Variants in SLC12A6 observed in about 807,000 individuals in gnomAD.
SLC12A6 encodes the protein solute carrier family 12 member 6.
SLC12A6 carries 66 observed loss-of-function variants against 135.3 expected under a neutral mutation model. The ratio of observed to expected loss-of-function variants is 0.49; its 90% confidence interval spans 0.40 to 0.60. The LOEUF (loss-of-function observed/expected upper bound fraction) is 0.60. SLC12A6 is among the 20% of genes least tolerant of loss of function. The probability of loss-of-function intolerance (pLI) is 0.00; values close to 1 mark genes in which losing one functional copy is unlikely to be tolerated. For synonymous variants in SLC12A6, 513 were observed against 508.8 expected (o/e 1.01, Z -0.11); for missense variants, 1,058 against 1,452.3 (o/e 0.73, Z 4.41).
intron 2 of SLC12A6, among the ~76,000 whole-genome samples, chr15:34,293,184 TA>T (rs138007768): frequency 0.097 from 14,759 of 152,302 alleles, 809 homozygotes; most frequent in South Asian, 0.15. Context: ...TAAAAAATCT[TA>T]ATTGAGTTCT....
chr15:34,329,010 T>C (rs1026935046), intron 2 of SLC12A6, among the ~76,000 whole-genome samples: 1 of 152,382 alleles, frequency 6.6e-6, no homozygotes, highest in African/African-American at 2.4e-5. Context: ...ATTAAAAGAA[T>C]ACATTGTTTT....
rs140214849 is a variant in SLC12A6 at position 34,304,340 on chromosome 15, CTTCT to C, written c.272-28955_272-28952del. The stretch of plus-strand genomic sequence containing the variant: ...CAGCTGGAGGACATTTGGGCTGTTA[CTTCT>C]TTATTAGCTATTATTTATAATGCTG... On this transcript the variant is annotated intron_variant, in intron 2 of 25. Coordinates refer to ENST00000354181, the MANE Select transcript of SLC12A6 (RefSeq NM_001365088.1). Among the ~76,000 whole-genome samples the C allele has an allele frequency of 4.3e-3, 657 of 152,284 alleles. 8 individuals carry two copies. Among genetic ancestry groups the C allele is most frequent in the African/African-American group, 0.015 (632 of 41,558 alleles).
chr15:34,268,945 C>T (rs1183651432), intron 3 of SLC12A6, among the ~76,000 whole-genome samples: 1 of 152,046 alleles, frequency 6.6e-6, no homozygotes, highest in Non-Finnish European at 1.5e-5. Flanking sequence ...CGACCTCCGC[C>T]TCCAGGGTTC....
chr15:34,231,614 G>C lies in SLC12A6; in HGVS notation c.*2267C>G, dbSNP rs1045726068. On this transcript the variant is annotated 3_prime_UTR_variant, in exon 26 of 26. Transcript: ENST00000354181. ...TTTCTTTTTTTTTTTTTTTGAGATGGAGTCTCCCTCTGTCGCCCAGGCTGG... is the reference window on the plus strand; with the variant it reads ...TTTCTTTTTTTTTTTTTTTGAGATGCAGTCTCCCTCTGTCGCCCAGGCTGG... 3 of 148,560 alleles carry C rather than the reference G, an allele frequency of 2.0e-5. No homozygotes were observed. Among genetic ancestry groups the C allele is most frequent in the South Asian group, 2.1e-4 (1 of 4,684 alleles). The allele number at this position is 148,560 out of a possible 1,614,324, so 9.2% of individuals were successfully genotyped here.
Position 34,336,682 on chromosome 15 carries a change from T to G in SLC12A6, c.-2A>C. The G allele has an allele frequency of 6.2e-7, 1 of 1,614,054 alleles. No homozygotes were observed. Among genetic ancestry groups the G allele is most frequent in the African/African-American group, 1.3e-5 (1 of 75,040 alleles). ...GGTGGTGGTTTCTGGAGGATGCATTTTGTTCTTTTTAAGAACAAAAAAAGT... is the reference window on the plus strand; with the variant it reads ...GGTGGTGGTTTCTGGAGGATGCATTGTGTTCTTTTTAAGAACAAAAAAAGT... On this transcript the variant is annotated 5_prime_UTR_variant, in exon 2 of 26. Coordinates refer to ENST00000354181, the MANE Select transcript of SLC12A6 (RefSeq NM_001365088.1).
In SLC12A6 at chr15:34,234,636, T is replaced by TCCCAAATCCCTC. The variant is rs1433402773; in HGVS notation, c.3361+544_3361+545insGAGGGATTTGGG. Among the ~76,000 whole-genome samples, 4 of 152,136 alleles carry TCCCAAATCCCTC rather than the reference T, an allele frequency of 2.6e-5. No homozygotes were observed. In the East Asian group the frequency reaches 7.7e-4, roughly 29 times the overall value. On this transcript the variant is annotated intron_variant, in intron 25 of 25. Coordinates refer to ENST00000354181, the MANE Select transcript of SLC12A6 (RefSeq NM_001365088.1). ...ATCCACCTGCCTTAGCCTCCCAAAG[T>TCCCAAATCCCTC]GCTGGGATTACAGGCATGAGCCACC...
chr15:34,300,468 T>C (rs998337385), intron 2 of SLC12A6, among the ~76,000 whole-genome samples: 3 of 152,102 alleles, frequency 2.0e-5, no homozygotes, highest in Non-Finnish European at 2.9e-5. Context: ...CCTACTCCCC[T>C]ACCCCTAGCC....
chr15:34,262,573 G>A (rs532554516), intron 3 of SLC12A6, among the ~76,000 whole-genome samples: 10 of 152,284 alleles, frequency 6.6e-5, no homozygotes, highest in East Asian at 1.9e-4. Context: ...AGCAGCGGGC[G>A]GGAGCAGGGG....
At chr15:34,329,744 G>A (rs1889711504) in intron 2 of SLC12A6, among the ~76,000 whole-genome samples, 1 of 152,184 alleles carries the variant, frequency 6.6e-6, no homozygotes, top group Non-Finnish European at 1.5e-5. Context: ...GGCCAGGCAT[G>A]GTGGCTCATG....
intron 3 of SLC12A6, among the ~76,000 whole-genome samples, chr15:34,262,124 T>A (rs775215925): frequency 5.9e-5 from 9 of 152,230 alleles, no homozygotes; most frequent in Non-Finnish European, 8.8e-5. Context: ...AAGTCCTGGA[T>A]AAATCCATGG....
At chr15:34,288,767 A>G (rs1291504036) in intron 2 of SLC12A6, among the ~76,000 whole-genome samples, 1 of 152,154 alleles carries the variant, frequency 6.6e-6, no homozygotes, top group Non-Finnish European at 1.5e-5. Context: ...GAGTTCACTC[A>G]TGATTTGGCT....
At chr15:34,290,461 T>G (rs1317472871) in intron 2 of SLC12A6, among the ~76,000 whole-genome samples, 2 of 152,194 alleles carry the variant, frequency 1.3e-5, no homozygotes, top group African/African-American at 2.4e-5. Flanking sequence ...TTCCGTTGAT[T>G]TGGGGTGGAG....
At chr15:34,327,612 C>T (rs347832) in intron 2 of SLC12A6, among the ~76,000 whole-genome samples, 39,143 of 151,424 alleles carry the variant, frequency 0.26, 7,174 homozygotes, top group African/African-American at 0.52. Context: ...GAGCCGAGAC[C>T]GCATCACTGC....
intron 3 of SLC12A6, among the ~76,000 whole-genome samples, chr15:34,265,871 G>A (rs1365626832): frequency 6.6e-6 from 1 of 152,300 alleles, no homozygotes; most frequent in East Asian, 1.9e-4. Flanking sequence ...AAAGGACAGT[G>A]AGGAAAGGAG....
At chr15:34,252,616 C>T (rs1892470819) in intron 9 of SLC12A6, among the ~76,000 whole-genome samples, 1 of 152,094 alleles carries the variant, frequency 6.6e-6, no homozygotes, top group Non-Finnish European at 1.5e-5. Context: ...ATTAGAATTT[C>T]TATGTTGTGG....
chr15:34,306,078 T>G (rs1896596100), intron 2 of SLC12A6, among the ~76,000 whole-genome samples: 1 of 152,216 alleles, frequency 6.6e-6, no homozygotes, highest in South Asian at 2.1e-4. Flanking sequence ...GCATTTCTAT[T>G]TAGCTAACTC....
At chr15:34,291,628 G>A (rs1895537561) in intron 2 of SLC12A6, among the ~76,000 whole-genome samples, 1 of 152,132 alleles carries the variant, frequency 6.6e-6, no homozygotes. Context: ...CCAATCAAAC[G>A]TAGATTTGGT....
At chr15:34,300,478 C>T (rs144426178) in intron 2 of SLC12A6, among the ~76,000 whole-genome samples, 9 of 152,174 alleles carry the variant, frequency 5.9e-5, no homozygotes, top group Non-Finnish European at 1.3e-4. Flanking sequence ...TACCCCTAGC[C>T]ATAACACAGC....
intron 2 of SLC12A6, among the ~76,000 whole-genome samples, chr15:34,307,138 T>TAAAGATGTAC (rs1896654197): frequency 2.0e-5 from 3 of 152,274 alleles, no homozygotes; most frequent in Admixed American, 2.0e-4. Flanking sequence ...ATATACACCT[T>TAAAGATGTAC]AAAGATGTAC....
Sources: gnomAD v4.1 joint callset for allele counts (sites outside exome capture counted in the v4.1 genomes callset) on GRCh38, gnomAD v4.1.1 for gene constraint, MANE v1.5 for transcripts, NCBI Gene and HGNC (gene_info 2026-07-23, HGNC 2026-07-21) for gene names.